PTPN12: variants seen among roughly 807,000 people sequenced by gnomAD.
PTPN12 encodes the protein protein tyrosine phosphatase non-receptor type 12.
PTPN12 carries 29 observed loss-of-function variants against 97.6 expected under a neutral mutation model. That is an observed-to-expected ratio of 0.30 (90% CI 0.22 to 0.41). The LOEUF is 0.41. PTPN12 is among the 10% of genes least tolerant of loss of function. The pLI, the probability that PTPN12 is intolerant of heterozygous loss-of-function variation, is 1.00. For missense variants in PTPN12, 819 were observed against 926.0 expected, an observed-to-expected ratio of 0.88 and a Z score of 1.50; for synonymous variants, 327 against 300.4, an observed-to-expected ratio of 1.09 and a Z score of -0.91.
intron 1 of PTPN12, among the ~76,000 whole-genome samples, chr7:77,553,947 T>C (rs1319259350): frequency 6.6e-5 from 1 of 15,216 alleles, no homozygotes; most frequent in African/African-American, 8.9e-4. Flanking sequence ...TTTTACTTCT[T>C]TTTTTTTTTA....
intron 1 of PTPN12, among the ~76,000 whole-genome samples, chr7:77,559,444 T>G (rs1483394334): frequency 6.6e-6 from 1 of 152,186 alleles, no homozygotes; most frequent in African/African-American, 2.4e-5. Context: ...CATTTTCCCT[T>G]GATGGTAAAA....
At position 77,623,716 on chromosome 7, in the gene PTPN12, T is replaced by A. The variant is rs536595035; in HGVS notation, c.1026-2989T>A. The stretch of plus-strand genomic sequence containing the variant: ...GTAACAGAATGAGACTCTGTCTCAA[T>A]AAAAAATATGTAAATAAAATACTGA... On this transcript the variant is annotated intron_variant, in intron 12 of 17. Coordinates refer to ENST00000248594, the MANE Select transcript of PTPN12 (RefSeq NM_002835.4). 4.6e-5 allele frequency among the ~76,000 whole-genome samples: 7 copies of A among 152,240 alleles called. No homozygotes were observed. In the East Asian group the frequency reaches 5.8e-4, roughly 13 times the overall value.
chr7:77,584,438 G>A (rs1467054018), intron 4 of PTPN12, among the ~76,000 whole-genome samples: 1 of 152,178 alleles, frequency 6.6e-6, no homozygotes, highest in Non-Finnish European at 1.5e-5. Flanking sequence ...TCTGGATGAT[G>A]GGAACATCCT....
intron 2 of PTPN12, among the ~76,000 whole-genome samples, chr7:77,579,700 C>T (rs914282039): frequency 1.3e-5 from 2 of 152,164 alleles, no homozygotes; most frequent in Non-Finnish European, 2.9e-5. Context: ...ACTATTTGCA[C>T]TTCCTGTGAC....
In PTPN12 at chr7:77,537,414, G is replaced by A. The variant is rs1215208016; in HGVS notation, c.-133G>A. The A allele has an allele frequency of 1.5e-6, 2 of 1,296,648 alleles. No homozygotes were observed. The highest frequency in any genetic ancestry group is 3.3e-5 in the South Asian group (2 of 60,748). The allele number at this position is 1,296,648 out of a possible 1,614,324, so 80.3% of individuals were successfully genotyped here. ...GCCTAGGGCGGTGGGGAGGAGGAGG[G>A]AGCCGCGGGGCTTGGCGGGGTCGGG... On this transcript the variant is annotated 5_prime_UTR_variant, in exon 1 of 18. Transcript: ENST00000248594.
chr7:77,639,652 C>G lies in PTPN12; in HGVS notation c.*372C>G, dbSNP rs978937001. 3.6e-5 allele frequency: 6 copies of G among 167,730 alleles called. No individual in the cohort carries two copies. Among genetic ancestry groups the G allele is most frequent in the African/African-American group, 1.4e-4 (6 of 42,090 alleles). The allele number at this position is 167,730 out of a possible 1,614,324, so 10.4% of individuals were successfully genotyped here. A position where few individuals can be genotyped will look rare whatever the true frequency, so the allele number is the denominator to read the frequency against. ...GTAGGTATATAATTTGATAAAGTTG[C>G]AATTGAAATATTATTAACAGAAGAT... On this transcript the variant is annotated 3_prime_UTR_variant, in exon 18 of 18. Transcript: ENST00000248594.
rs544747547 is a variant in PTPN12 at position 77,627,144 on chromosome 7, G to A, written c.1465G>A (p.Asp489Asn). 1.5e-5 allele frequency: 24 copies of A among 1,614,158 alleles called. No homozygotes were observed. In the African/African-American group the frequency reaches 2.1e-4, roughly 14 times the overall value. ...QELSSDLNVG[D>N]TSQNSCVDCS... is the part of the protein sequence containing the mutation. ...ATTAAGTTCAGATCTAAATGTCGGTGATACTTCCCAGAATTCTTGTGTGGA... is the reference window on the plus strand; with the variant it reads ...ATTAAGTTCAGATCTAAATGTCGGTAATACTTCCCAGAATTCTTGTGTGGA... Residue 489 changes from aspartate (D) to asparagine (N), a missense_variant, in exon 13 of 18, where the codon GAT becomes AAT. By Grantham distance (23) the Asp-to-Asn change is conservative (BLOSUM62 1). Coordinates refer to ENST00000248594, the MANE Select transcript of PTPN12 (RefSeq NM_002835.4).
At chr7:77,617,204 T>C (rs1478291478) in intron 11 of PTPN12, among the ~76,000 whole-genome samples, 5 of 152,196 alleles carry the variant, frequency 3.3e-5, no homozygotes, top group African/African-American at 1.2e-4. Context: ...TGTCTAGGTT[T>C]AATAATTAAT....
At chr7:77,593,482 T>G (rs2151348423) in intron 6 of PTPN12, among the ~76,000 whole-genome samples, 1 of 152,322 alleles carries the variant, frequency 6.6e-6, no homozygotes, top group Admixed American at 6.5e-5. Flanking sequence ...TGCTGCAGTT[T>G]CAGTCTGAAT....
intron 9 of PTPN12, among the ~76,000 whole-genome samples, chr7:77,607,768 TC>T (rs1788424199): frequency 6.6e-6 from 1 of 152,006 alleles, no homozygotes; most frequent in Non-Finnish European, 1.5e-5. Context: ...TTCTTTTTTT[TC>T]CGAGATAGAG....
chr7:77,631,621 A>C (rs1789399823), intron 13 of PTPN12, among the ~76,000 whole-genome samples: 1 of 152,176 alleles, frequency 6.6e-6, no homozygotes, highest in African/African-American at 2.4e-5. Context: ...CTAACCAATG[A>C]GGCTTACTTA....
intron 12 of PTPN12, among the ~76,000 whole-genome samples, chr7:77,625,152 C>T (rs375500007): frequency 3.2e-4 from 49 of 151,908 alleles, no homozygotes; most frequent in African/African-American, 1.1e-3. Context: ...AAACAGAACA[C>T]AAAAACTTAA....
At chr7:77,541,280 C>T (rs4729522) in intron 1 of PTPN12, among the ~76,000 whole-genome samples, 32,710 of 152,052 alleles carry the variant, frequency 0.22, 4,538 homozygotes, top group East Asian at 0.7. Context: ...TTTGTAGAGA[C>T]AGGGTTTCCC....
chr7:77,620,717 A>G (rs1788902672), intron 12 of PTPN12, among the ~76,000 whole-genome samples: 3 of 152,226 alleles, frequency 2.0e-5, no homozygotes, highest in African/African-American at 7.2e-5. Flanking sequence ...TGGTAGGCCA[A>G]GGCAGGCGGA....
chr7:77,586,962 C>T (rs997947900), intron 5 of PTPN12, among the ~76,000 whole-genome samples: 1 of 152,220 alleles, frequency 6.6e-6, no homozygotes, highest in Non-Finnish European at 1.5e-5. Flanking sequence ...AGCTCCACTT[C>T]TGATTCTCTT....
Position 77,639,263 on chromosome 7 carries a change from C to G in PTPN12, c.2326C>G (p.Pro776Ala), listed in dbSNP as rs1188280566. 2 of 1,612,604 alleles carry G rather than the reference C, an allele frequency of 1.2e-6. 1 individual carries two copies. The highest frequency in any genetic ancestry group is 2.2e-5 in the South Asian group (2 of 90,920). ...CGKPKGPRDP[P>A]SEWT ...AAAACCCAAAGGACCAAGAGATCCACCTTCAGAATGGACATGATTCAGGGA... is the reference window on the plus strand; with the variant it reads ...AAAACCCAAAGGACCAAGAGATCCAGCTTCAGAATGGACATGATTCAGGGA... Residue 776 changes from proline to alanine, a missense_variant, in exon 18 of 18, where the codon CCT becomes GCT. By Grantham distance (27) the Pro-to-Ala change is conservative. Around this residue, in one of 5 missense-constraint regions of PTPN12, gnomAD observed 607 missense variants for 577.3 expected, o/e 1.05. Coordinates refer to ENST00000248594, the MANE Select transcript of PTPN12 (RefSeq NM_002835.4).
intron 8 of PTPN12, among the ~76,000 whole-genome samples, chr7:77,603,400 T>G (rs1788249611): frequency 6.6e-6 from 1 of 152,272 alleles, no homozygotes; most frequent in Non-Finnish European, 1.5e-5. Flanking sequence ...AAAATTCTTT[T>G]GCTTTCCACT....
chr7:77,538,509 G>A (rs1184172030), intron 1 of PTPN12, among the ~76,000 whole-genome samples: 3 of 152,040 alleles, frequency 2.0e-5, no homozygotes, highest in East Asian at 1.9e-4. Flanking sequence ...CCGAAGCCCT[G>A]AACTGGGAGA....
intron 15 of PTPN12, 118 bp downstream of exon 15, chr7:77,635,967 T>A (rs1264627922): frequency 1.6e-6 from 1 of 619,566 alleles, no homozygotes; most frequent in Admixed American, 4.0e-5. Flanking sequence ...TTTGTAATTT[T>A]TGATCGGCAT....
Sources: gnomAD v4.1 joint callset for allele counts (sites outside exome capture counted in the v4.1 genomes callset) on GRCh38, gnomAD v4.1.1 for gene constraint, gnomAD v4.1.1 regional missense constraint, MANE v1.5 for transcripts, NCBI Gene and HGNC (gene_info 2026-07-23, HGNC 2026-07-21) for gene names.